The following ARHGEF7 variants were observed in gnomAD, a reference collection of about 807,000 sequenced individuals.
ARHGEF7 encodes Rho guanine nucleotide exchange factor 7.
In ARHGEF7, 33 loss-of-function variants were observed where a neutral mutation model predicts 109.8. The observed-to-expected ratio is 0.30, with a 90% CI of 0.23 to 0.40. ARHGEF7 has a LOEUF of 0.40. ARHGEF7 is among the 10% of genes least tolerant of loss of function. ARHGEF7 has a pLI of 1.00. For missense variants in ARHGEF7, 938 were observed against 1,098.5 expected (o/e 0.85, Z 2.07); for synonymous variants, 458 against 424.6 (o/e 1.08, Z -0.97).
At chr13:111,115,165 C>A (rs1305394104), upstream of ARHGEF7, 2 of 147,068 alleles carry the variant, frequency 1.4e-5, no homozygotes, top group African/African-American at 2.4e-5. Flanking sequence ...GCCGCCGCCC[C>A]GCGCACGGCC....
chr13:111,246,447 C>T (rs2088861936), intron 8 of ARHGEF7, among the ~76,000 whole-genome samples: 1 of 152,240 alleles, frequency 6.6e-6, no homozygotes, highest in East Asian at 1.9e-4. Flanking sequence ...GATGAAAATA[C>T]TTTGTTCCCT....
chr13:111,253,887 AT>A (rs1186188314), intron 8 of ARHGEF7, among the ~76,000 whole-genome samples: 19 of 152,178 alleles, frequency 1.2e-4, no homozygotes, highest in Non-Finnish European at 4.4e-5. Flanking sequence ...GTCTCAGAGC[AT>A]TTTGGCTCTG....
intron 1 of ARHGEF7, among the ~76,000 whole-genome samples, chr13:111,138,068 C>G (rs1000112365): frequency 6.6e-6 from 1 of 152,008 alleles, no homozygotes; most frequent in African/African-American, 2.4e-5. Flanking sequence ...AATCCCAGCA[C>G]TTTGAGAGGC....
chr13:111,226,417 A>G (rs999746062), intron 5 of ARHGEF7, among the ~76,000 whole-genome samples: 18 of 152,216 alleles, frequency 1.2e-4, no homozygotes, highest in Non-Finnish European at 8.8e-5. Flanking sequence ...GTAGCTGGTG[A>G]CTGAGTTGAA....
At chr13:111,230,341 C>T (rs2085863028) in intron 5 of ARHGEF7, among the ~76,000 whole-genome samples, 1 of 152,174 alleles carries the variant, frequency 6.6e-6, no homozygotes, top group South Asian at 2.1e-4. Context: ...TGAGTATTTT[C>T]TAATCTATTT....
intron 16 of ARHGEF7, among the ~76,000 whole-genome samples, chr13:111,283,776 T>C (rs2092900375): frequency 6.6e-6 from 1 of 152,186 alleles, no homozygotes. Context: ...GCCCTGCATT[T>C]TGTCATCCAG....
At chr13:111,202,657 T>C (rs892734381) in intron 2 of ARHGEF7, among the ~76,000 whole-genome samples, 5 of 152,248 alleles carry the variant, frequency 3.3e-5, no homozygotes, top group Admixed American at 2.6e-4. Flanking sequence ...AATGTCATGG[T>C]AATTCTTACA....
chr13:111,180,149 G>T (rs1325373976), intron 2 of ARHGEF7, among the ~76,000 whole-genome samples: 1 of 152,216 alleles, frequency 6.6e-6, no homozygotes, highest in Non-Finnish European at 1.5e-5. Flanking sequence ...GCACTGGAGG[G>T]TGGTGGTGGG....
intron 18 of ARHGEF7, among the ~76,000 whole-genome samples, chr13:111,290,053 A>G (rs2093211080): frequency 1.3e-5 from 2 of 152,234 alleles, no homozygotes; most frequent in African/African-American, 4.8e-5. Flanking sequence ...GATGAAAGGT[A>G]CTACATTTTT....
chr13:111,274,007 T>A, intron 10 of ARHGEF7, 55 bp downstream of exon 10: 1 of 1,587,106 alleles, frequency 6.3e-7, no homozygotes, highest in Non-Finnish European at 8.6e-7. Flanking sequence ...AGTGGCATGG[T>A]CAGACTTACT....
chr13:111,162,592 C>G (rs995247661), intron 2 of ARHGEF7, among the ~76,000 whole-genome samples: 22 of 152,120 alleles, frequency 1.4e-4, no homozygotes, highest in African/African-American at 5.3e-4. Flanking sequence ...GGTGGGCAGT[C>G]CAGCATCGTA....
intron 1 of ARHGEF7, among the ~76,000 whole-genome samples, chr13:111,133,795 ATATATATATATATAT>A: frequency 4.2e-5 from 2 of 48,158 alleles, no homozygotes; most frequent in East Asian, 6.9e-4. Flanking sequence ...ATATATATAT[ATATATATATATATAT>A]ATATTTATTA....
At chr13:111,175,540 G>A (rs539747458) in intron 2 of ARHGEF7, among the ~76,000 whole-genome samples, 391 of 152,322 alleles carry the variant, frequency 2.6e-3, no homozygotes, top group Non-Finnish European at 2.8e-3. Flanking sequence ...GCAGGCTGGA[G>A]CCTGCAGTGG....
intron 8 of ARHGEF7, among the ~76,000 whole-genome samples, chr13:111,264,538 G>T (rs1456951259): frequency 6.6e-6 from 1 of 152,026 alleles, no homozygotes; most frequent in Non-Finnish European, 1.5e-5. Context: ...TGTGGGCAAG[G>T]TCCCTGCTGT....
chr13:111,267,555 G>A lies in ARHGEF7; in HGVS notation c.958G>A (p.Glu320Lys), dbSNP rs753457702. The A allele has an allele frequency of 6.2e-6, 10 of 1,613,898 alleles. No individual in the cohort carries two copies. Among genetic ancestry groups the A allele is most frequent in the Admixed American group, 1.7e-5 (1 of 60,018 alleles). Reference sequence around the variant, plus strand: ...TGTGTCGCATTTCTCCAGGTTGCCCGAAGCTCAGCAGAGAGTCGGAGGCTG... The same window carrying A: ...TGTGTCGCATTTCTCCAGGTTGCCCAAAGCTCAGCAGAGAGTCGGAGGCTG... Reference protein sequence around the residue: ...QSLEECTKLPEAQQRVGGCFL... With the variant: ...QSLEECTKLPKAQQRVGGCFL... The change falls in exon 9 of 22, where the codon GAA becomes AAA. Residue 320 changes from glutamate (E) to lysine (K), a missense_variant. Glu to Lys is a moderately conservative substitution (Grantham distance 56). Coordinates refer to ENST00000646102, the MANE Select transcript of ARHGEF7 (RefSeq NM_001354046.2).
chr13:111,267,548 G>T lies in ARHGEF7; in HGVS notation c.951G>T (p.Lys317Asn). Residue 317 changes from lysine to asparagine, a missense_variant and splice_region_variant, in exon 9 of 22, where the codon AAG becomes AAT. Transcript: ENST00000646102. ...MLVQSLEECT[K>N]LPEAQQRVGG... ...TTCCCTTTGTGTCGCATTTCTCCAG[G>T]TTGCCCGAAGCTCAGCAGAGAGTCG... is the stretch of plus-strand genomic sequence containing the variant. 1 of 1,613,848 alleles carries T rather than the reference G, an allele frequency of 6.2e-7. No homozygotes were observed. Among genetic ancestry groups the T allele is most frequent in the Non-Finnish European group, 8.5e-7 (1 of 1,179,832 alleles).
intron 18 of ARHGEF7, among the ~76,000 whole-genome samples, chr13:111,290,414 G>A (rs778303109): frequency 2.6e-5 from 4 of 152,224 alleles, no homozygotes; most frequent in Non-Finnish European, 5.9e-5. Context: ...ATGACTCAAA[G>A]TATATGGGAG....
chr13:111,301,083 G>A lies in ARHGEF7; in HGVS notation c.2411+236G>A, dbSNP rs192065528. Among the ~76,000 whole-genome samples, 189 of 152,176 alleles carry A rather than the reference G, an allele frequency of 1.2e-3. 1 individual carries two copies. The highest frequency in any genetic ancestry group is 6.5e-4 in the Non-Finnish European group (44 of 67,998). On this transcript the variant is annotated intron_variant, in intron 20 of 21. Coordinates refer to ENST00000646102, the MANE Select transcript of ARHGEF7 (RefSeq NM_001354046.2). ...CCTGCCTCAGCCTCCCGAGTAGCTG[G>A]GATTACAGGCCTGTGCCACCACGCC... is the stretch of plus-strand genomic sequence containing the variant.
chr13:111,185,827 T>C (rs1187017978), intron 2 of ARHGEF7, among the ~76,000 whole-genome samples: 1 of 152,172 alleles, frequency 6.6e-6, no homozygotes, highest in Non-Finnish European at 1.5e-5. Flanking sequence ...TCTGCCTGCA[T>C]GACCGCTGTG....
Sources: allele counts gnomAD v4.1 joint callset (sites outside exome capture counted in the v4.1 genomes callset), GRCh38; gene constraint gnomAD v4.1.1; transcripts MANE v1.5; gene names NCBI Gene and HGNC (gene_info 2026-07-23, HGNC 2026-07-21).